The following CNTN5 variants were observed in gnomAD, a reference collection of about 807,000 sequenced individuals.
The protein encoded by CNTN5 is contactin-5.
A neutral mutation model predicts 129.1 loss-of-function variants in CNTN5; 77 were observed. The ratio of observed to expected loss-of-function variants is 0.60; its 90% CI spans 0.50 to 0.72. CNTN5 has a LOEUF of 0.72. Ranked by LOEUF, CNTN5 falls within the 30% of genes least tolerant of loss-of-function variation. CNTN5 has a pLI of 0.00. For synonymous variants in CNTN5, 509 were observed against 465.6 expected (o/e 1.09, Z -1.20); for missense variants, 1,478 against 1,328.8 (o/e 1.11, Z -1.75).
intron 6 of CNTN5, among the ~76,000 whole-genome samples, chr11:99,906,596 G>A (rs1279566525): frequency 2.0e-5 from 3 of 152,008 alleles, no homozygotes; most frequent in Non-Finnish European, 2.9e-5. Flanking sequence ...GGAATATTGG[G>A]CTGAAATTTC....
intron 3 of CNTN5, among the ~76,000 whole-genome samples, chr11:99,685,060 C>A (rs35535002): frequency 0.052 from 7,821 of 151,078 alleles, 225 homozygotes; most frequent in East Asian, 0.1. Flanking sequence ...CATAAATTTT[C>A]TTTGAAGTAT....
At chr11:100,136,199 C>G (rs1946518959) in intron 13 of CNTN5, among the ~76,000 whole-genome samples, 1 of 152,212 alleles carries the variant, frequency 6.6e-6, no homozygotes, top group East Asian at 1.9e-4. Context: ...CAGCATAACA[C>G]TGGTCTTGGG....
Position 99,348,569 on chromosome 11 carries a change from C to T in CNTN5, c.-71+23085C>T, listed in dbSNP as rs528605364. On this transcript the variant is annotated intron_variant, in intron 2 of 24. Coordinates refer to ENST00000524871, the MANE Select transcript of CNTN5 (RefSeq NM_014361.4). ...GAAACTCCAACCTACAGACTGCCTT[C>T]GGATATTTTTTTAACTCCTTAGTTT... Among the ~76,000 whole-genome samples, 52 of 152,260 alleles carry T rather than the reference C, an allele frequency of 3.4e-4. 2 individuals are homozygous for T. The South Asian group carries it at 0.011, about 32-fold the overall frequency.
At chr11:99,142,829 G>A (rs945525693) in intron 1 of CNTN5, among the ~76,000 whole-genome samples, 16 of 152,066 alleles carry the variant, frequency 1.1e-4, no homozygotes, top group East Asian at 1.9e-4. Context: ...CGTGGGACTC[G>A]TAGGGCTTCC....
At chr11:99,300,724 T>G (rs1864598335) in intron 1 of CNTN5, among the ~76,000 whole-genome samples, 1 of 151,788 alleles carries the variant, frequency 6.6e-6, no homozygotes, top group African/African-American at 2.4e-5. Context: ...CCTACAAAAA[T>G]AGTAAAGAGA....
chr11:99,671,149 T>TTC (rs1953024700), intron 3 of CNTN5, among the ~76,000 whole-genome samples: 1 of 90,378 alleles, frequency 1.1e-5, no homozygotes, highest in African/African-American at 3.3e-5. Context: ...GTAGATTGAG[T>TTC]TTTTTTTTTT....
At chr11:100,053,646 A>G (rs1943076594) in intron 9 of CNTN5, among the ~76,000 whole-genome samples, 1 of 151,772 alleles carries the variant, frequency 6.6e-6, no homozygotes, top group Non-Finnish European at 1.5e-5. Context: ...TACAGGTACA[A>G]TGGAAAAATA....
intron 1 of CNTN5, among the ~76,000 whole-genome samples, chr11:99,278,684 C>G (rs1194815992): frequency 1.3e-5 from 2 of 151,630 alleles, no homozygotes; most frequent in Admixed American, 6.6e-5. Flanking sequence ...CAAGCTGAGG[C>G]AACAAGAGCT....
intron 3 of CNTN5, among the ~76,000 whole-genome samples, chr11:99,671,549 T>C (rs75455663): frequency 0.058 from 8,884 of 152,100 alleles, 274 homozygotes; most frequent in South Asian, 0.095. Context: ...AGACAGGAGT[T>C]AATAAAGATT....
intron 6 of CNTN5, among the ~76,000 whole-genome samples, chr11:99,900,683 G>T (rs1184599059): frequency 6.6e-6 from 1 of 151,872 alleles, no homozygotes; most frequent in Non-Finnish European, 1.5e-5. Flanking sequence ...ATCTTGAAGA[G>T]GTCAAATGAT....
At chr11:99,967,688 A>T (rs1014337671) in intron 8 of CNTN5, among the ~76,000 whole-genome samples, 2 of 152,130 alleles carry the variant, frequency 1.3e-5, no homozygotes, top group Admixed American at 6.5e-5. Context: ...CCCATTAACC[A>T]CATCTAATTT....
chr11:99,334,509 C>T (rs976604947), intron 2 of CNTN5, among the ~76,000 whole-genome samples: 4 of 151,924 alleles, frequency 2.6e-5, no homozygotes, highest in Admixed American at 6.6e-5. Flanking sequence ...CATTTTAAAA[C>T]AAAATAAAAC....
chr11:99,453,351 G>A (rs1016475542), intron 2 of CNTN5, among the ~76,000 whole-genome samples: 1 of 152,156 alleles, frequency 6.6e-6, no homozygotes, highest in Non-Finnish European at 1.5e-5. Context: ...AACAGTGAAT[G>A]AGAAAATACC....
chr11:99,470,889 A>C (rs1421035554), intron 2 of CNTN5, among the ~76,000 whole-genome samples: 2 of 152,140 alleles, frequency 1.3e-5, no homozygotes, highest in East Asian at 3.8e-4. Context: ...ACAAGTATAG[A>C]TTCATGGCAG....
intron 3 of CNTN5, among the ~76,000 whole-genome samples, chr11:99,665,435 C>G (rs1020023046): frequency 3.4e-5 from 5 of 148,710 alleles, no homozygotes; most frequent in African/African-American, 1.2e-4. Flanking sequence ...ATTGAATCTT[C>G]AAACACAAAT....
Position 99,080,980 on chromosome 11 carries a change from G to GTTTTTT in CNTN5, c.-210+59724_-210+59729dup, listed in dbSNP as rs766619743. On this transcript the variant is annotated intron_variant, in intron 1 of 24. Transcript: ENST00000524871. ...TTGTTGCCCACCTACTGAGAAATCAGTTTTTTTTTTTTTTTTTTTCAGAAG... is the reference window on the plus strand; with the variant it reads ...TTGTTGCCCACCTACTGAGAAATCAGTTTTTTTTTTTTTTTTTTTTTTTTTCAGAAG... 5.4e-3 allele frequency among the ~76,000 whole-genome samples: 604 copies of GTTTTTT among 112,346 alleles called. 34 individuals are homozygous for GTTTTTT. The highest frequency in any genetic ancestry group is 0.015 in the East Asian group (54 of 3,606). 73.7% of individuals were successfully genotyped at this position (112,346 alleles called of 152,430 possible). A position where few individuals can be genotyped will look rare whatever the true frequency, so the allele number is the denominator to read the frequency against.
At chr11:100,022,061 G>A (rs1231877151) in intron 9 of CNTN5, among the ~76,000 whole-genome samples, 1 of 152,062 alleles carries the variant, frequency 6.6e-6, no homozygotes, top group Non-Finnish European at 1.5e-5. Context: ...CTGAGGGTGG[G>A]TCTTCCTCTC....
intron 18 of CNTN5, among the ~76,000 whole-genome samples, chr11:100,296,586 C>T (rs1043653625): frequency 1.3e-5 from 2 of 151,502 alleles, no homozygotes; most frequent in South Asian, 2.1e-4. Context: ...GATACTGAAA[C>T]GTAGACCCTG....
At chr11:100,161,772 C>T (rs1231833050) in intron 13 of CNTN5, among the ~76,000 whole-genome samples, 1 of 146,836 alleles carries the variant, frequency 6.8e-6, no homozygotes, top group African/African-American at 2.5e-5. Context: ...GGTCAGAGGT[C>T]TGTGCTTTTT....
Sources: allele counts gnomAD v4.1 joint callset (sites outside exome capture counted in the v4.1 genomes callset), GRCh38; gene constraint gnomAD v4.1.1; transcripts MANE v1.5; gene names NCBI Gene and HGNC (gene_info 2026-07-23, HGNC 2026-07-21).